Variants in PCDH15 observed in about 807,000 individuals in gnomAD.
PCDH15 encodes protocadherin related 15.
PCDH15 carries 129 observed loss-of-function variants against 178.5 expected under a neutral mutation model. That is an observed-to-expected ratio of 0.72 (90% CI 0.63 to 0.84). The LOEUF (loss-of-function observed/expected upper bound fraction) is 0.84. Among genes scored for constraint, PCDH15 ranks in the 40% least tolerant of loss-of-function variants. The probability of loss-of-function intolerance (pLI) is 0.00; values close to 1 mark genes in which losing one functional copy is unlikely to be tolerated. For missense variants in PCDH15, 2,230 were observed against 2,099.9 expected, an observed-to-expected ratio of 1.06 and a Z score of -1.21; for synonymous variants, 800 against 732.0, an observed-to-expected ratio of 1.09 and a Z score of -1.50.
At chr10:54,194,740 CTA>C (rs60365134) in intron 11 of PCDH15, among the ~76,000 whole-genome samples, 1 of 150,986 alleles carries the variant, frequency 6.6e-6, no homozygotes, top group African/African-American at 2.4e-5. Flanking sequence ...ATCTATCTAT[CTA>C]TATATATACA....
chr10:54,692,913 A>G (rs1435305959), intron 1 of PCDH15, among the ~76,000 whole-genome samples: 1 of 152,116 alleles, frequency 6.6e-6, no homozygotes, highest in Non-Finnish European at 1.5e-5. Flanking sequence ...AACAATAACA[A>G]CAACAACCAC....
At position 54,725,203 on chromosome 10, in the gene PCDH15, G is replaced by A. The variant is rs763444072; in HGVS notation, c.-28-60913C>T. ...TTCCAATACTTTAACCATTTCTTGCGAAATTTTCTATATATTAATATTACT... is the reference window on the plus strand; with the variant it reads ...TTCCAATACTTTAACCATTTCTTGCAAAATTTTCTATATATTAATATTACT... On this transcript the variant is annotated intron_variant, in intron 1 of 37. Transcript: ENST00000644397. Among the ~76,000 whole-genome samples, 24 of 150,892 alleles carry A rather than the reference G, an allele frequency of 1.6e-4. No individual in the cohort carries two copies. The South Asian group carries it at 1.9e-3, about 12-fold the overall frequency.
intron 2 of PCDH15, among the ~76,000 whole-genome samples, chr10:54,917,835 C>T (rs774075191): frequency 4.6e-5 from 7 of 152,060 alleles, no homozygotes; most frequent in South Asian, 2.1e-4. Flanking sequence ...AAGGCATATT[C>T]AAATGGTTTA....
intron 3 of PCDH15, among the ~76,000 whole-genome samples, chr10:54,870,466 T>G (rs1217377641): frequency 6.6e-6 from 1 of 152,076 alleles, no homozygotes; most frequent in Non-Finnish European, 1.5e-5. Context: ...GTCACTGAGT[T>G]AGTTTGCAAG....
chr10:55,479,857 T>C (rs1484284501), intron 2 of PCDH15, among the ~76,000 whole-genome samples: 1 of 151,706 alleles, frequency 6.6e-6, no homozygotes, highest in Non-Finnish European at 1.5e-5. Context: ...CATTTATATA[T>C]GCCAGTAACA....
At chr10:55,595,029 C>T (rs1469869602) in intron 2 of PCDH15, among the ~76,000 whole-genome samples, 3 of 151,912 alleles carry the variant, frequency 2.0e-5, no homozygotes, top group African/African-American at 7.2e-5. Context: ...ATATTTATCA[C>T]CCATGGATAA....
chr10:54,396,237 A>G (rs1317344220), intron 3 of PCDH15, among the ~76,000 whole-genome samples: 1 of 152,136 alleles, frequency 6.6e-6, no homozygotes, highest in Non-Finnish European at 1.5e-5. Flanking sequence ...CCTTGCCTCA[A>G]GTTGCTGTCT....
intron 3 of PCDH15, among the ~76,000 whole-genome samples, chr10:54,836,182 A>G (rs1953312799): frequency 6.6e-6 from 1 of 152,190 alleles, no homozygotes. Context: ...GTGGAGAGGG[A>G]TGATTAAAAA....
intron 1 of PCDH15, among the ~76,000 whole-genome samples, chr10:55,237,716 C>T (rs1399111907): frequency 6.6e-6 from 1 of 151,842 alleles, no homozygotes; most frequent in Non-Finnish European, 1.5e-5. Flanking sequence ...ACTTATTATG[C>T]CTTATTTTTT....
At chr10:54,053,778 T>G (rs1019026246) in intron 18 of PCDH15, among the ~76,000 whole-genome samples, 3 of 152,156 alleles carry the variant, frequency 2.0e-5, no homozygotes, top group Non-Finnish European at 4.4e-5. Flanking sequence ...ATTGTGTACT[T>G]AAGTTATTTG....
At chr10:54,971,763 T>C (rs905311564) in intron 2 of PCDH15, among the ~76,000 whole-genome samples, 3 of 152,240 alleles carry the variant, frequency 2.0e-5, no homozygotes, top group Non-Finnish European at 4.4e-5. Context: ...AAATAATTGA[T>C]GTATAATGTA....
chr10:54,713,262 GT>G (rs1002406011), intron 1 of PCDH15, among the ~76,000 whole-genome samples: 1 of 151,716 alleles, frequency 6.6e-6, no homozygotes, highest in Admixed American at 6.6e-5. Flanking sequence ...CTGATTTCAA[GT>G]TTTTTTACAT....
intron 2 of PCDH15, among the ~76,000 whole-genome samples, chr10:55,101,221 A>G (rs1056030305): frequency 2.0e-5 from 3 of 151,936 alleles, no homozygotes; most frequent in Non-Finnish European, 2.9e-5. Context: ...TCTACTAAAA[A>G]TAGAAAAAAT....
At chr10:55,303,104 T>TAC (rs1163548651) in intron 1 of PCDH15, among the ~76,000 whole-genome samples, 6 of 114,904 alleles carry the variant, frequency 5.2e-5, no homozygotes, top group South Asian at 2.8e-4. Context: ...TATATATATA[T>TAC]ACACACACAC....
intron 2 of PCDH15, among the ~76,000 whole-genome samples, chr10:54,563,090 TA>T (rs1224956421): frequency 6.6e-6 from 1 of 152,186 alleles, no homozygotes; most frequent in Non-Finnish European, 1.5e-5. Flanking sequence ...TCAAAACTTA[TA>T]AATGATAAAG....
intron 2 of PCDH15, among the ~76,000 whole-genome samples, chr10:54,964,764 G>A (rs1185268091): frequency 4.6e-5 from 7 of 152,176 alleles, no homozygotes; most frequent in Admixed American, 3.9e-4. Context: ...TTATTTTTAT[G>A]TAGAGGTCAA....
chr10:54,762,885 A>C (rs1239198638), intron 1 of PCDH15, among the ~76,000 whole-genome samples: 3 of 152,156 alleles, frequency 2.0e-5, no homozygotes, highest in African/African-American at 7.2e-5. Context: ...ATTGTGAAAC[A>C]CATATTTTAT....
intron 26 of PCDH15, among the ~76,000 whole-genome samples, chr10:53,879,687 ATG>A (rs1337899191): frequency 1.3e-5 from 2 of 152,158 alleles, no homozygotes; most frequent in African/African-American, 4.8e-5. Context: ...CAAATTATAC[ATG>A]TGTTTTCTTT....
chr10:55,243,903 C>G (rs1270954874), intron 1 of PCDH15, among the ~76,000 whole-genome samples: 2 of 152,094 alleles, frequency 1.3e-5, no homozygotes, highest in East Asian at 3.9e-4. Context: ...CTACTTCTCA[C>G]TTAGCTTGTC....
Sources: gnomAD v4.1 joint callset for allele counts (sites outside exome capture counted in the v4.1 genomes callset) on GRCh38, gnomAD v4.1.1 for gene constraint, MANE v1.5 for transcripts, NCBI Gene and HGNC (gene_info 2026-07-23, HGNC 2026-07-21) for gene names.